The following FAF2 variants were observed in gnomAD, a reference collection of about 807,000 sequenced individuals.
FAF2 encodes the protein FAS-associated factor 2.
In FAF2, 9 loss-of-function variants were observed where a neutral mutation model predicts 62.3. The observed-to-expected ratio is 0.14, with a 90% CI of 0.09 to 0.25. The LOEUF is 0.25. FAF2 is among the 10% of genes least tolerant of loss of function. The pLI is 1.00. For missense variants in FAF2, 368 were observed against 556.2 expected (o/e 0.66, Z 3.40); for synonymous variants, 202 against 198.0 (o/e 1.02, Z -0.17).
At chr5:176,469,815 T>C (rs1411381077) in intron 1 of FAF2, among the ~76,000 whole-genome samples, 1 of 152,170 alleles carries the variant, frequency 6.6e-6, no homozygotes, top group East Asian at 1.9e-4. Context: ...TAACCATGGT[T>C]ATGAAGAGTG....
intron 1 of FAF2, among the ~76,000 whole-genome samples, chr5:176,450,639 C>T (rs1758148510): frequency 6.6e-6 from 1 of 151,788 alleles, no homozygotes; most frequent in Admixed American, 6.6e-5. Flanking sequence ...CTGCAACCTC[C>T]GCCTTCCAGT....
intron 1 of FAF2, among the ~76,000 whole-genome samples, chr5:176,467,329 G>GT (rs1758488367): frequency 2.0e-5 from 3 of 151,408 alleles, no homozygotes; most frequent in African/African-American, 7.3e-5. Flanking sequence ...GACTTTTTTT[G>GT]GTTTTTTTTG....
At chr5:176,504,241 C>T (rs1012922547) in intron 10 of FAF2, among the ~76,000 whole-genome samples, 10 of 151,876 alleles carry the variant, frequency 6.6e-5, no homozygotes, top group Admixed American at 5.3e-4. Flanking sequence ...TTTGGGAGGC[C>T]GAGACGGGTG....
In FAF2 at chr5:176,502,997, G is replaced by A. The variant is rs189172467; in HGVS notation, c.1155+2851G>A. On this transcript the variant is annotated intron_variant, in intron 10 of 10. Coordinates refer to ENST00000261942, the MANE Select transcript of FAF2 (RefSeq NM_014613.3). ...CGGGAGGCAGTGGTTGCAGTGGACC[G>A]AGACTGCGCCATTGCACTCCAGCCT... Among the ~76,000 whole-genome samples the A allele has an allele frequency of 8.2e-4, 125 of 152,018 alleles. 1 individual carries two copies. Among genetic ancestry groups the A allele is most frequent in the Admixed American group, 2.2e-3 (34 of 15,274 alleles).
chr5:176,507,875 C>G lies in FAF2; in HGVS notation c.*925C>G, dbSNP rs1458643558. On this transcript the variant is annotated 3_prime_UTR_variant, in exon 11 of 11. Coordinates refer to ENST00000261942, the MANE Select transcript of FAF2 (RefSeq NM_014613.3). ...CAGGTGGTGGTTATGGGGTCTGAAC[C>G]AAAGGATAGCAGCTCTTCATTCCTC... The G allele has an allele frequency of 6.5e-6, 1 of 152,734 alleles. No individual in the cohort carries two copies. Among genetic ancestry groups the G allele is most frequent in the East Asian group, 1.9e-4 (1 of 5,190 alleles). The allele number at this position is 152,734 out of a possible 1,614,324, so 9.5% of individuals were successfully genotyped here.
At chr5:176,490,610 GA>G (rs1758956955) in intron 4 of FAF2, among the ~76,000 whole-genome samples, 1 of 152,120 alleles carries the variant, frequency 6.6e-6, no homozygotes, top group Non-Finnish European at 1.5e-5. Context: ...TTTTATATTG[GA>G]CCCTTGGTGT....
intron 10 of FAF2, among the ~76,000 whole-genome samples, chr5:176,506,212 A>C (rs971094884): frequency 6.6e-6 from 1 of 151,706 alleles, no homozygotes; most frequent in African/African-American, 2.4e-5. Context: ...AAAAACAAAA[A>C]AAAAAAACTG....
Position 176,494,494 on chromosome 5 carries a change from C to G in FAF2, c.661+219C>G, listed in dbSNP as rs199697518. ...GTTTAGGAAATAGGCTCAGAGAGTTCAAGCCACTGGCTGAAGATCACACAA... is the reference window on the plus strand; with the variant it reads ...GTTTAGGAAATAGGCTCAGAGAGTTGAAGCCACTGGCTGAAGATCACACAA... On this transcript the variant is annotated intron_variant, in intron 7 of 10. Coordinates refer to ENST00000261942, the MANE Select transcript of FAF2 (RefSeq NM_014613.3). The surrounding 1 kb of genome is among the most constrained non-coding windows in gnomAD (Gnocchi z 4.0). 1.3e-5 allele frequency among the ~76,000 whole-genome samples: 2 copies of G among 152,128 alleles called. No homozygotes were observed. The highest frequency in any genetic ancestry group is 2.1e-4 in the South Asian group (1 of 4,824).
intron 1 of FAF2, among the ~76,000 whole-genome samples, chr5:176,471,894 C>T (rs1758577127): frequency 2.0e-5 from 3 of 151,322 alleles, no homozygotes; most frequent in Admixed American, 2.0e-4. Context: ...TTTCACCAGG[C>T]TGGTCACAAA....
chr5:176,451,969 A>G (rs1758196372), intron 1 of FAF2, among the ~76,000 whole-genome samples: 2 of 120,302 alleles, frequency 1.7e-5, no homozygotes, highest in South Asian at 5.4e-4. Context: ...TGGCGTGATC[A>G]TAGTTCATTG....
intron 1 of FAF2, among the ~76,000 whole-genome samples, chr5:176,472,767 A>C (rs562665161): frequency 3.8e-4 from 58 of 151,968 alleles, no homozygotes; most frequent in African/African-American, 1.4e-3. Context: ...AAAGAAAGAA[A>C]AATAGGGCTC....
intron 1 of FAF2, among the ~76,000 whole-genome samples, chr5:176,474,607 T>C (rs1380822013): frequency 1.3e-5 from 2 of 152,250 alleles, no homozygotes; most frequent in Non-Finnish European, 2.9e-5. Flanking sequence ...TGTGGGTTTT[T>C]ATCTGTCTCA....
chr5:176,495,579 TC>T (rs1233955055), intron 7 of FAF2, among the ~76,000 whole-genome samples: 1 of 150,706 alleles, frequency 6.6e-6, no homozygotes, highest in Non-Finnish European at 1.5e-5. Flanking sequence ...TGGTGCGATC[TC>T]AGTTCACTGC....
intron 10 of FAF2, among the ~76,000 whole-genome samples, chr5:176,505,739 C>T (rs113347898): frequency 3.9e-5 from 6 of 152,300 alleles, no homozygotes; most frequent in East Asian, 1.9e-4. Flanking sequence ...CTACTTACTT[C>T]GCTTAGAATA....
intron 1 of FAF2, among the ~76,000 whole-genome samples, chr5:176,451,963 G>A (rs1313382800): frequency 8.4e-6 from 1 of 119,348 alleles, no homozygotes; most frequent in South Asian, 2.8e-4. Context: ...GTGCAGTGGC[G>A]TGATCATAGT....
chr5:176,456,703 A>G (rs1191239695), intron 1 of FAF2, among the ~76,000 whole-genome samples: 1 of 152,160 alleles, frequency 6.6e-6, no homozygotes, highest in Non-Finnish European at 1.5e-5. Context: ...GGCTTATGAT[A>G]TATTTTGATC....
chr5:176,492,416 C>A, intron 5 of FAF2, 84 bp downstream of exon 5: 1 of 1,398,774 alleles, frequency 7.1e-7, no homozygotes, highest in Non-Finnish European at 9.4e-7. Flanking sequence ...CTGATCATGT[C>A]CTTCTTGTAC....
At chr5:176,473,939 C>G (rs1201402695) in intron 1 of FAF2, among the ~76,000 whole-genome samples, 1 of 152,180 alleles carries the variant, frequency 6.6e-6, no homozygotes, top group Non-Finnish European at 1.5e-5. Flanking sequence ...TCTCTAGGCA[C>G]ATCTTATATA....
intron 1 of FAF2, among the ~76,000 whole-genome samples, chr5:176,472,614 A>G (rs886894670): frequency 6.6e-6 from 1 of 150,796 alleles, no homozygotes; most frequent in Non-Finnish European, 1.5e-5. Context: ...TCCTTCATAC[A>G]GGCCCACCAT....
Sources: allele counts gnomAD v4.1 joint callset (sites outside exome capture counted in the v4.1 genomes callset), GRCh38; gene constraint gnomAD v4.1.1; non-coding constraint Gnocchi (gnomAD v3.1); transcripts MANE v1.5; gene names NCBI Gene and HGNC (gene_info 2026-07-23, HGNC 2026-07-21).